The following ANKRD12 variants were observed in gnomAD, a reference collection of about 807,000 sequenced individuals.
ANKRD12 encodes the protein ankyrin repeat domain 12, also known as ankyrin repeat domain-containing protein 12.
In ANKRD12, 85 loss-of-function variants were observed where a neutral mutation model predicts 183.4. That is an observed-to-expected ratio of 0.46 (90% CI 0.39 to 0.56). The LOEUF (loss-of-function observed/expected upper bound fraction) is 0.56. ANKRD12 is among the 20% of genes least tolerant of loss of function. The pLI is 0.00. For missense variants in ANKRD12, 2,405 were observed against 2,357.1 expected, an observed-to-expected ratio of 1.02 and a Z score of -0.42; for synonymous variants, 914 against 800.2, an observed-to-expected ratio of 1.14 and a Z score of -2.40.
rs1168718884 is a variant in ANKRD12, at chr18:9,255,885, T to G, written c.2618T>G (p.Leu873Arg). The G allele has an allele frequency of 6.3e-7, 1 of 1,595,488 alleles. No individual in the cohort carries two copies. The highest frequency in any genetic ancestry group is 8.5e-7 in the Non-Finnish European group (1 of 1,175,340). The part of the protein sequence containing the change: ...CVDKIKEKDK[L>R]YSHHTEKCHK... ...GATAAAATAAAAGAAAAGGACAAGC[T>G]ATATTCGCATCACACAGAAAAATGC... Residue 873 changes from leucine (L) to arginine (R), a missense_variant, in exon 9 of 13, where the codon CTA (leucine) becomes CGA (arginine). Around this residue, in one of 7 missense-constraint regions of ANKRD12, gnomAD observed 1,983 missense variants for 1,725.9 expected, o/e 1.15. Coordinates refer to ENST00000262126, the MANE Select transcript of ANKRD12 (RefSeq NM_015208.5).
intron 8 of ANKRD12, among the ~76,000 whole-genome samples, chr18:9,238,553 T>C (rs1330920819): frequency 1.3e-5 from 2 of 152,222 alleles, no homozygotes; most frequent in Admixed American, 6.5e-5. Context: ...GAGAGTCATC[T>C]AAACTCCTCT....
chr18:9,166,919 T>G (rs1315092055), intron 1 of ANKRD12, among the ~76,000 whole-genome samples: 2 of 152,238 alleles, frequency 1.3e-5, no homozygotes, highest in Non-Finnish European at 2.9e-5. Flanking sequence ...GGATCCAGTT[T>G]CAGCTTCCTA....
At chr18:9,150,283 G>T (rs543217876) in intron 1 of ANKRD12, among the ~76,000 whole-genome samples, 29 of 151,968 alleles carry the variant, frequency 1.9e-4, no homozygotes, top group Non-Finnish European at 3.1e-4. Context: ...CTTTTATCTC[G>T]TTTCGTCTAC....
At chr18:9,249,107 A>G (rs1199793727) in intron 8 of ANKRD12, among the ~76,000 whole-genome samples, 2 of 152,130 alleles carry the variant, frequency 1.3e-5, no homozygotes, top group African/African-American at 2.4e-5. Context: ...AGACATTACG[A>G]AAGTCCTCTG....
intron 1 of ANKRD12, among the ~76,000 whole-genome samples, chr18:9,153,287 G>A (rs1377482252): frequency 6.6e-6 from 1 of 152,214 alleles, no homozygotes; most frequent in East Asian, 1.9e-4. Context: ...AGCTTAGTTT[G>A]AGTAATGATT....
At position 9,257,888 on chromosome 18, in the gene ANKRD12, T is replaced by C. The variant is rs960181750; in HGVS notation, c.4621T>C (p.Ser1541Pro). 6.2e-7 allele frequency: 1 copy of C among 1,613,746 alleles called. No homozygotes were observed. The highest frequency in any genetic ancestry group is 1.1e-5 in the South Asian group (1 of 91,042). The change falls in exon 9 of 13, where the codon TCT becomes CCT. Residue 1541 changes from serine to proline, a missense_variant. Physicochemically the swap from Ser to Pro is moderately conservative, Grantham distance 74 (BLOSUM62 -1). Transcript: ENST00000262126. ...TTCTGCTTTAGATACTGATAATGAA[T>C]CTACAAAAGATACAGAAAATACTTT... Reference protein sequence around the residue: ...ISSALDTDNESTKDTENTFVL... With the variant: ...ISSALDTDNEPTKDTENTFVL...
chr18:9,256,604 C>A lies in ANKRD12; in HGVS notation c.3337C>A (p.Arg1113=). The A allele has an allele frequency of 1.2e-6, 2 of 1,601,390 alleles. No homozygotes were observed. The highest frequency in any genetic ancestry group is 1.7e-6 in the Non-Finnish European group (2 of 1,176,996). Residue 1113 remains arginine (R), a synonymous_variant, in exon 9 of 13, where the codon CGA becomes AGA. Coordinates refer to ENST00000262126, the MANE Select transcript of ANKRD12 (RefSeq NM_015208.5). ...AAAAGAAAAGGAACGGTTGAGAAAC[C>A]GAAACTGTTTAGAACTTAAAATAAA... ...KQKEKERLRN[R]NCLELKIKDK...
chr18:9,210,100 T>C (rs558225333), intron 5 of ANKRD12, among the ~76,000 whole-genome samples: 1 of 152,264 alleles, frequency 6.6e-6, no homozygotes, highest in Non-Finnish European at 1.5e-5. Flanking sequence ...TCTCTATTAA[T>C]ATGTATAGAA....
intron 3 of ANKRD12, among the ~76,000 whole-genome samples, chr18:9,197,427 TGGTGTGGGGACTA>T (rs1336056833): frequency 6.6e-6 from 1 of 152,208 alleles, no homozygotes; most frequent in African/African-American, 2.4e-5. Flanking sequence ...GACCCTCGAA[TGGTGTGGGGACTA>T]GGGGCGCCAA....
chr18:9,255,274 T>C lies in ANKRD12; in HGVS notation c.2007T>C (p.Ile669=), dbSNP rs752981903. 4 of 1,566,104 alleles carry C rather than the reference T, an allele frequency of 2.6e-6. No homozygotes were observed. Among genetic ancestry groups the C allele is most frequent in the South Asian group, 1.2e-5 (1 of 82,366 alleles). The change falls in exon 9 of 13, where the codon ATT becomes ATC. Residue 669 remains isoleucine, a synonymous_variant. Coordinates refer to ENST00000262126, the MANE Select transcript of ANKRD12 (RefSeq NM_015208.5). ...AAAAAGAAAAGCATAAAAAAGAAAT[T>C]GAAGGTGAAAAGGAAAAATACAAAA... The part of the protein sequence containing the change: ...EREKEKHKKE[I]EGEKEKYKTK...
intron 1 of ANKRD12, among the ~76,000 whole-genome samples, chr18:9,143,985 A>G (rs1404102154): frequency 2.6e-5 from 4 of 152,166 alleles, no homozygotes; most frequent in Admixed American, 2.0e-4. Flanking sequence ...AAATTAATCT[A>G]TACTTACATA....
At chr18:9,265,449 A>G (rs1376085866) in intron 10 of ANKRD12, among the ~76,000 whole-genome samples, 1 of 152,212 alleles carries the variant, frequency 6.6e-6, no homozygotes, top group Non-Finnish European at 1.5e-5. Context: ...ATGATCAGGC[A>G]GCAACATTTG....
intron 3 of ANKRD12, among the ~76,000 whole-genome samples, chr18:9,199,780 A>G (rs905938477): frequency 1.1e-4 from 16 of 151,984 alleles, no homozygotes; most frequent in African/African-American, 3.9e-4. Flanking sequence ...TCAAAACAGC[A>G]TATGTATGTT....
intron 10 of ANKRD12, among the ~76,000 whole-genome samples, chr18:9,275,038 ATAAT>A (rs2039766554): frequency 6.6e-6 from 1 of 152,000 alleles, no homozygotes; most frequent in South Asian, 2.1e-4. Context: ...AATTAAAATA[ATAAT>A]TAGCCAAGTG....
intron 10 of ANKRD12, among the ~76,000 whole-genome samples, chr18:9,265,748 G>A (rs1477189044): frequency 6.6e-6 from 1 of 152,194 alleles, no homozygotes; most frequent in Non-Finnish European, 1.5e-5. Context: ...CTCCTCACCA[G>A]CAACGGAACA....
At chr18:9,276,024 A>G (rs1463830004) in intron 11 of ANKRD12, among the ~76,000 whole-genome samples, 1 of 152,200 alleles carries the variant, frequency 6.6e-6, no homozygotes, top group Non-Finnish European at 1.5e-5. Flanking sequence ...GCTAGATGGC[A>G]CCTCTAGGTT....
Position 9,258,533 on chromosome 18 carries a change from C to G in ANKRD12, c.5266C>G (p.Leu1756Val). 1.2e-6 allele frequency: 2 copies of G among 1,613,572 alleles called. No individual in the cohort carries two copies. Among genetic ancestry groups the G allele is most frequent in the Non-Finnish European group, 8.5e-7 (1 of 1,179,862 alleles). The change falls in exon 9 of 13, where the codon CTA becomes GTA. Residue 1756 changes from leucine to valine, a missense_variant. Coordinates refer to ENST00000262126, the MANE Select transcript of ANKRD12 (RefSeq NM_015208.5). ...CAAACAGATTCTTGCTAGCTGTACA[C>G]TATTATCAGAAAAAGACAGTGAATC... is the stretch of plus-strand genomic sequence containing the variant. ...QSKQILASCT[L>V]LSEKDSESSS...
At chr18:9,186,304 C>T (rs959964982) in intron 2 of ANKRD12, among the ~76,000 whole-genome samples, 1 of 152,112 alleles carries the variant, frequency 6.6e-6, no homozygotes, top group Admixed American at 6.5e-5. Flanking sequence ...GTTAAGAATA[C>T]TTGTTAATCA....
chr18:9,216,606 CTTAT>C, intron 6 of ANKRD12, 148 bp from the exon 7 acceptor site: 1 of 705,030 alleles, frequency 1.4e-6, no homozygotes, highest in Non-Finnish European at 2.3e-6. Context: ...TGATATTGTT[CTTAT>C]TTATTTTTAG....
Sources: allele counts gnomAD v4.1 joint callset (sites outside exome capture counted in the v4.1 genomes callset), GRCh38; gene constraint gnomAD v4.1.1; regional missense constraint gnomAD v4.1.1; transcripts MANE v1.5; gene names NCBI Gene and HGNC (gene_info 2026-07-23, HGNC 2026-07-21).